The following KPNA2 variants were observed in gnomAD, a reference collection of about 807,000 sequenced individuals.
KPNA2 encodes karyopherin subunit alpha 2.
KPNA2 carries 20 observed loss-of-function variants against 53.7 expected under a neutral mutation model. The observed-to-expected ratio is 0.37, with a 90% confidence interval of 0.26 to 0.54. KPNA2 has a LOEUF of 0.54. Among genes scored for constraint, KPNA2 ranks in the 20% least tolerant of loss-of-function variants. The pLI is 0.83. For missense variants in KPNA2, 515 were observed against 640.3 expected, an observed-to-expected ratio of 0.80 and a Z score of 2.11; for synonymous variants, 238 against 227.5, an observed-to-expected ratio of 1.05 and a Z score of -0.42.
intron 5 of KPNA2, 137 bp downstream of exon 5, chr17:68,042,490 C>T: frequency 1.1e-6 from 1 of 948,474 alleles, no homozygotes; most frequent in South Asian, 1.6e-5. Context: ...AAAGTGTCGT[C>T]TTTACAAAGG....
At chr17:68,042,390 TA>T in intron 5 of KPNA2, 37 bp downstream of exon 5, 4 of 1,593,646 alleles carry the variant, frequency 2.5e-6, no homozygotes, top group Non-Finnish European at 3.4e-6. Context: ...TGAATGTATC[TA>T]ATCGTAATTA....
At chr17:68,046,299 C>G (rs1218299732) in intron 10 of KPNA2, among the ~76,000 whole-genome samples, 1 of 152,020 alleles carries the variant, frequency 6.6e-6, no homozygotes, top group Non-Finnish European at 1.5e-5. Flanking sequence ...AAATCTCGGC[C>G]TGTTTGTGTT....
rs371427083 is a variant in KPNA2 at position 68,045,389 on chromosome 17, T to TA, written c.1348-382dup. ...GCACTCCATAGGCCATCTTTGCCCT[T>TA]AGACACCTTGACTACACCTTGTGAT... On this transcript the variant is annotated intron_variant, in intron 9 of 10. Coordinates refer to ENST00000330459, the MANE Select transcript of KPNA2 (RefSeq NM_002266.4). The TA allele has an allele frequency of 1.4e-3, 229 of 162,278 alleles. 1 individual carries two copies. Among genetic ancestry groups the TA allele is most frequent in the African/African-American group, 4.8e-3 (200 of 41,868 alleles). The allele number at this position is 162,278 out of a possible 1,614,324, so 10.1% of individuals were successfully genotyped here.
intron 3 of KPNA2, among the ~76,000 whole-genome samples, chr17:68,038,494 T>A (rs782665922): frequency 7.2e-5 from 11 of 152,318 alleles, no homozygotes; most frequent in Non-Finnish European, 1.6e-4. Context: ...TCTGAAATAT[T>A]TACAGTAGCC....
chr17:68,040,400 G>A (rs2071245659), intron 3 of KPNA2, among the ~76,000 whole-genome samples: 1 of 151,220 alleles, frequency 6.6e-6, no homozygotes, highest in Middle Eastern at 3.2e-3. Context: ...TGTCCTTCTC[G>A]TTCATTTTTT....
In KPNA2 at chr17:68,043,081, C is replaced by T. The variant is rs1555704852; in HGVS notation, c.667-19C>T. On this transcript the variant is annotated intron_variant, in intron 6 of 10. Coordinates refer to ENST00000330459, the MANE Select transcript of KPNA2 (RefSeq NM_002266.4). ...TCTCAAAAGACAGAACCTCTCATTG[C>T]CTATTTTTTTTCCCCCAGTGTGGCT... The T allele has an allele frequency of 6.8e-6, 11 of 1,613,634 alleles. No homozygotes were observed. The highest frequency in any genetic ancestry group is 1.1e-5 in the South Asian group (1 of 91,078).
In KPNA2 at chr17:68,040,681, A is replaced by G; in HGVS notation, c.217A>G (p.Thr73Ala). The G allele has an allele frequency of 6.2e-7, 1 of 1,605,114 alleles. No individual in the cohort carries two copies. The highest frequency in any genetic ancestry group is 8.5e-7 in the Non-Finnish European group (1 of 1,172,560). The change falls in exon 4 of 11, where the codon ACT (threonine) becomes GCT (alanine). Residue 73 changes from threonine (T) to alanine (A), a missense_variant. Physicochemically the swap from Thr to Ala is moderately conservative, Grantham distance 58. Coordinates refer to ENST00000330459, the MANE Select transcript of KPNA2 (RefSeq NM_002266.4). ...PLQENRNNQG[T>A]VNWSVDDIVK... ...CAAACTTTCACTTTTCTTCTAGGGC[A>G]CTGTAAATTGGTCTGTTGATGACAT...
At chr17:68,039,987 G>A (rs1307764292) in intron 3 of KPNA2, among the ~76,000 whole-genome samples, 3 of 151,742 alleles carry the variant, frequency 2.0e-5, no homozygotes, top group African/African-American at 7.3e-5. Flanking sequence ...GGCTGAGGCA[G>A]GAGAATCGCT....
chr17:68,040,861 A>G (rs1193071831), intron 4 of KPNA2, 95 bp downstream of exon 4: 6 of 764,642 alleles, frequency 7.8e-6, no homozygotes, highest in Admixed American at 6.3e-5. Context: ...GACAGATAGT[A>G]CAAGGAAAGA....
At chr17:68,043,411 C>G in intron 7 of KPNA2, 48 bp downstream of exon 7, 1 of 1,580,300 alleles carries the variant, frequency 6.3e-7, no homozygotes, top group Non-Finnish European at 8.6e-7. Flanking sequence ...GAAGCATGAT[C>G]AGGGCTGGGC....
Position 68,037,126 on chromosome 17 carries a change from CAT to C in KPNA2, c.-5_-4del, listed in dbSNP as rs2071199186. On this transcript the variant is annotated 5_prime_UTR_variant, in exon 2 of 11. Coordinates refer to ENST00000330459, the MANE Select transcript of KPNA2 (RefSeq NM_002266.4). ...ATCTTTTAGCTTTCTCCCTTTGTCT[CAT>C]AACCATGTCCACCAACGAGAATGCT... The C allele has an allele frequency of 6.2e-7, 1 of 1,608,414 alleles. No homozygotes were observed. The highest frequency in any genetic ancestry group is 1.3e-5 in the African/African-American group (1 of 74,574).
At chr17:68,041,933 C>T (rs1555704608) in intron 4 of KPNA2, 152 bp from the exon 5 acceptor site, 9 of 662,526 alleles carry the variant, frequency 1.4e-5, no homozygotes, top group Non-Finnish European at 2.3e-5. Flanking sequence ...TGTTCAGCTT[C>T]TCTTAGGTTC....
At chr17:68,044,968 G>T (rs1280673417) in intron 9 of KPNA2, among the ~76,000 whole-genome samples, 2 of 151,886 alleles carry the variant, frequency 1.3e-5, no homozygotes, top group African/African-American at 2.4e-5. Flanking sequence ...GGTGGTGGGC[G>T]CCTATAATCC....
At chr17:68,041,605 C>T (rs1053916741) in intron 4 of KPNA2, among the ~76,000 whole-genome samples, 2 of 151,954 alleles carry the variant, frequency 1.3e-5, no homozygotes, top group Non-Finnish European at 2.9e-5. Flanking sequence ...GCACACTTGT[C>T]GTCCCAGCTA....
Position 68,044,508 on chromosome 17 carries a change from G to A in KPNA2, c.1347+5G>A, listed in dbSNP as rs782463481. The A allele has an allele frequency of 1.2e-6, 2 of 1,610,646 alleles. No homozygotes were observed. The highest frequency in any genetic ancestry group is 2.2e-5 in the South Asian group (2 of 90,754). ...GCCATTTCAAATATCTTTCAGGTAA[G>A]TCCTATCAAGGTGGCTTTGTTTGAA... is the stretch of plus-strand genomic sequence containing the variant. On this transcript the variant is annotated splice_donor_5th_base_variant and intron_variant, in intron 9 of 10. Coordinates refer to ENST00000330459, the MANE Select transcript of KPNA2 (RefSeq NM_002266.4).
At chr17:68,039,830 T>C (rs768330963) in intron 3 of KPNA2, among the ~76,000 whole-genome samples, 1 of 149,954 alleles carries the variant, frequency 6.7e-6, no homozygotes, top group South Asian at 2.1e-4. Context: ...TCCAGCACTT[T>C]GGGAGGCTGA....
intron 1 of KPNA2, 24 bp from the exon 2 acceptor site, chr17:68,037,086 T>G (rs1555703829): frequency 1.4e-6 from 2 of 1,418,380 alleles, no homozygotes; most frequent in Admixed American, 1.7e-5. Context: ...AAAGGAAATA[T>G]TTTTCTCTTC....
chr17:68,037,588 T>C, intron 3 of KPNA2, 93 bp downstream of exon 3: 5 of 1,233,202 alleles, frequency 4.1e-6, no homozygotes, highest in Non-Finnish European at 4.6e-6. Context: ...ACATTTCTAG[T>C]CTTAACGGTT....
At chr17:68,044,210 A>G (rs1599143293) in intron 8 of KPNA2, 111 bp from the exon 9 acceptor site, 1 of 1,298,450 alleles carries the variant, frequency 7.7e-7, no homozygotes, top group Admixed American at 2.0e-5. Flanking sequence ...CCTTTTACTT[A>G]AGGTTGGATA....
Sources: gnomAD v4.1 joint callset for allele counts (sites outside exome capture counted in the v4.1 genomes callset) on GRCh38, gnomAD v4.1.1 for gene constraint, MANE v1.5 for transcripts, NCBI Gene and HGNC (gene_info 2026-07-23, HGNC 2026-07-21) for gene names.